CSMD1: variants seen among roughly 807,000 people sequenced by gnomAD.
CSMD1 encodes CUB and Sushi multiple domains 1.
In CSMD1, 213 loss-of-function variants were observed where a neutral mutation model predicts 417.5. The observed-to-expected ratio is 0.51, with a 90% CI of 0.46 to 0.57. The LOEUF (loss-of-function observed/expected upper bound fraction) is 0.57. Among genes scored for constraint, CSMD1 ranks in the 20% least tolerant of loss-of-function variants. The probability of loss-of-function intolerance (pLI) is 0.00; values close to 1 mark genes in which losing one functional copy is unlikely to be tolerated. For synonymous variants in CSMD1, 2,862 were observed against 1,736.8 expected (o/e 1.65, Z -16.11); for missense variants, 6,923 against 4,529.7 (o/e 1.53, Z -15.17).
intron 10 of CSMD1, among the ~76,000 whole-genome samples, chr8:3,562,170 G>C (rs1213211368): frequency 2.0e-5 from 3 of 152,090 alleles, no homozygotes; most frequent in Non-Finnish European, 2.9e-5. Context: ...TAATACAGTA[G>C]TAGGTGGGGA....
At chr8:4,625,698 T>C (rs1431496464) in intron 2 of CSMD1, among the ~76,000 whole-genome samples, 2 of 152,110 alleles carry the variant, frequency 1.3e-5, no homozygotes, top group African/African-American at 4.8e-5. Flanking sequence ...ATGATTATCG[T>C]ATCCGTAACA....
At chr8:4,018,044 G>A (rs553434750) in intron 4 of CSMD1, among the ~76,000 whole-genome samples, 2 of 150,660 alleles carry the variant, frequency 1.3e-5, no homozygotes, top group Admixed American at 6.6e-5. Flanking sequence ...CCATGAAACT[G>A]TCACTAGTGT....
chr8:3,928,326 C>G (rs1049294450), intron 5 of CSMD1, among the ~76,000 whole-genome samples: 2 of 152,060 alleles, frequency 1.3e-5, no homozygotes, highest in African/African-American at 4.8e-5. Flanking sequence ...CTTTTAATTG[C>G]CAGGACTGAG....
intron 1 of CSMD1, among the ~76,000 whole-genome samples, chr8:4,641,151 C>T (rs1166451721): frequency 2.0e-5 from 3 of 151,358 alleles, no homozygotes; most frequent in Admixed American, 6.6e-5. Flanking sequence ...TACCAAAATA[C>T]ACATCACAGA....
intron 7 of CSMD1, among the ~76,000 whole-genome samples, chr8:3,682,790 C>T (rs769615256): frequency 6.6e-6 from 1 of 152,144 alleles, no homozygotes; most frequent in Non-Finnish European, 1.5e-5. Flanking sequence ...TTGGATCCAA[C>T]CTAAATGTCC....
intron 1 of CSMD1, among the ~76,000 whole-genome samples, chr8:4,833,593 C>T (rs1052508652): frequency 3.9e-5 from 6 of 152,156 alleles, no homozygotes; most frequent in East Asian, 1.9e-4. Flanking sequence ...ATGGAGCACA[C>T]GATTTTTGAA....
rs781353547 is a variant in CSMD1 at position 4,240,429 on chromosome 8, C to A, written c.415+179524G>T. 1.4e-4 allele frequency among the ~76,000 whole-genome samples: 22 copies of A among 152,230 alleles called. 1 individual carries two copies. The highest frequency in any genetic ancestry group is 3.3e-4 in the Admixed American group (5 of 15,276). On this transcript the variant is annotated intron_variant, in intron 3 of 69. Transcript: ENST00000635120. ...TGCCTGCTCTGATCCCTGTAGACTT[C>A]AAGATTCACTTGTGAACTTATTTCC...
chr8:2,977,565 C>T (rs1056971205), intron 55 of CSMD1, among the ~76,000 whole-genome samples: 2 of 152,168 alleles, frequency 1.3e-5, no homozygotes, highest in Non-Finnish European at 2.9e-5. Context: ...TGAACATACA[C>T]ATGCATGTAT....
chr8:4,895,700 T>A (rs1804438035), intron 1 of CSMD1, among the ~76,000 whole-genome samples: 1 of 152,010 alleles, frequency 6.6e-6, no homozygotes, highest in South Asian at 2.1e-4. Context: ...CTGATTTTTT[T>A]TTTTCTCCTC....
intron 11 of CSMD1, among the ~76,000 whole-genome samples, chr8:3,487,636 T>C (rs149943311): frequency 3.5e-3 from 540 of 152,332 alleles, no homozygotes; most frequent in Admixed American, 6.1e-3. Context: ...TTAACGTTTA[T>C]CTACTTAGAA....
At chr8:4,930,938 C>T (rs4256616) in intron 1 of CSMD1, among the ~76,000 whole-genome samples, 97,003 of 152,004 alleles carry the variant, frequency 0.64, 32,118 homozygotes, top group Admixed American at 0.73. Context: ...TTGTACAGAA[C>T]TGGAAATTTA....
Position 3,928,349 on chromosome 8 carries a change from G to A in CSMD1, c.818+69554C>T, listed in dbSNP as rs149293167. On this transcript the variant is annotated intron_variant, in intron 5 of 69. Transcript: ENST00000635120. Reference sequence around the variant, plus strand: ...TGCCAGGACTGAGTGGTAAACAAATGATATATTGCCCTTTTTAAAGTGCAT... The same window carrying A: ...TGCCAGGACTGAGTGGTAAACAAATAATATATTGCCCTTTTTAAAGTGCAT... 2.0e-5 allele frequency among the ~76,000 whole-genome samples: 3 copies of A among 150,860 alleles called. No homozygotes were observed. The East Asian group carries it at 5.9e-4, about 29-fold the overall frequency.
chr8:4,053,755 T>A (rs2740885), intron 3 of CSMD1, among the ~76,000 whole-genome samples: 2 of 151,864 alleles, frequency 1.3e-5, no homozygotes, highest in Non-Finnish European at 2.9e-5. Context: ...CCTCTGGATA[T>A]GATGGCATTT....
chr8:4,094,779 G>A (rs1394886727), intron 3 of CSMD1, among the ~76,000 whole-genome samples: 5 of 152,138 alleles, frequency 3.3e-5, no homozygotes, highest in Admixed American at 1.3e-4. Context: ...CTAACACTGC[G>A]CATGGAGTAC....
chr8:3,514,313 G>C (rs754487820), intron 10 of CSMD1, among the ~76,000 whole-genome samples: 1 of 152,170 alleles, frequency 6.6e-6, no homozygotes, highest in Non-Finnish European at 1.5e-5. Context: ...GCAGCTAGTA[G>C]ATATTTTTGG....
chr8:3,534,417 C>G (rs930395253), intron 10 of CSMD1, among the ~76,000 whole-genome samples: 1 of 151,854 alleles, frequency 6.6e-6, no homozygotes, highest in African/African-American at 2.4e-5. Context: ...GATCTTCTCT[C>G]CTTTGTTTTG....
intron 1 of CSMD1, among the ~76,000 whole-genome samples, chr8:4,661,044 C>A (rs1264792173): frequency 2.6e-5 from 4 of 152,118 alleles, no homozygotes; most frequent in Non-Finnish European, 4.4e-5. Context: ...ACAGCCACCC[C>A]GGGAAACAGT....
At chr8:2,982,408 T>C (rs1805502113) in intron 54 of CSMD1, among the ~76,000 whole-genome samples, 1 of 152,202 alleles carries the variant, frequency 6.6e-6, no homozygotes, top group Non-Finnish European at 1.5e-5. Flanking sequence ...AAGGTCCTAT[T>C]GTTTATTCTC....
chr8:4,831,710 A>T (rs535329306), intron 1 of CSMD1, among the ~76,000 whole-genome samples: 3 of 152,180 alleles, frequency 2.0e-5, no homozygotes, highest in Non-Finnish European at 1.5e-5. Context: ...TTTACTAGAC[A>T]TTCACAAACA....
Sources: gnomAD v4.1 joint callset for allele counts (sites outside exome capture counted in the v4.1 genomes callset) on GRCh38, gnomAD v4.1.1 for gene constraint, MANE v1.5 for transcripts, NCBI Gene and HGNC (gene_info 2026-07-23, HGNC 2026-07-21) for gene names.